SYTL3: variants seen among roughly 807,000 people sequenced by gnomAD.
SYTL3 encodes the protein synaptotagmin-like protein 3.
A neutral mutation model predicts 82.1 loss-of-function variants in SYTL3; 88 were observed. The ratio of observed to expected loss-of-function variants is 1.07; its 90% CI spans 0.90 to 1.28. The LOEUF (loss-of-function observed/expected upper bound fraction) is 1.28. Among genes scored for constraint, SYTL3 ranks in the 50% most tolerant of loss-of-function variants. The probability of loss-of-function intolerance (pLI) is 0.00; values close to 1 mark genes in which losing one functional copy is unlikely to be tolerated. For missense variants in SYTL3, 831 were observed against 757.6 expected (o/e 1.10, Z -1.14); for synonymous variants, 311 against 289.4 (o/e 1.07, Z -0.76).
In SYTL3 at chr6:158,757,192, C is replaced by T. The variant is rs1276539114; in HGVS notation, c.1138-19C>T. The T allele has an allele frequency of 6.2e-7, 1 of 1,602,602 alleles. No homozygotes were observed. Among genetic ancestry groups the T allele is most frequent in the South Asian group, 1.1e-5 (1 of 90,708 alleles). ...GGGCCCCGGGAGCCCAGCTGACCAT[C>T]TCTTCCTTGCCTCTGCAGTATCAGG... On this transcript the variant is annotated intron_variant, in intron 13 of 17. Transcript: ENST00000611299.
In SYTL3 at chr6:158,665,477, C is replaced by T. The variant is rs200817184; in HGVS notation, c.193C>T (p.Arg65Cys). The change falls in exon 5 of 18, where the codon CGC (arginine) becomes TGC (cysteine). Residue 65 changes from arginine to cysteine, a missense_variant. Transcript: ENST00000611299. Reference sequence around the variant, plus strand: ...GGAGCACAAAGAGAAGTGCTGTGCGCGCTGCCAGCAGGTGCTGGGGTTCCT... The same window carrying T: ...GGAGCACAAAGAGAAGTGCTGTGCGTGCTGCCAGCAGGTGCTGGGGTTCCT... ...DWEHKEKCCA[R>C]CQQVLGFLLH... The T allele has an allele frequency of 2.7e-5, 43 of 1,607,384 alleles. No homozygotes were observed. Among genetic ancestry groups the T allele is most frequent in the East Asian group, 4.5e-5 (2 of 44,632 alleles).
At chr6:158,725,777 C>A in intron 11 of SYTL3, 140 bp downstream of exon 11, 1 of 1,142,134 alleles carries the variant, frequency 8.8e-7, no homozygotes, top group Non-Finnish European at 1.3e-6. Context: ...TATTATCCAT[C>A]CTTCCATTCC....
Position 158,736,156 on chromosome 6 carries a change from C to G in SYTL3, c.856-9324C>G, listed in dbSNP as rs1284011839. On this transcript the variant is annotated intron_variant, in intron 11 of 17. Transcript: ENST00000611299. ...CACAAGGTCAGGAGTTTGAGACCAT[C>G]CTGGCCAACATAGTGAAACCACATC... Among the ~76,000 whole-genome samples, 5 of 152,248 alleles carry G rather than the reference C, an allele frequency of 3.3e-5. No homozygotes were observed. In the East Asian group the frequency reaches 9.7e-4, roughly 30 times the overall value.
rs2291388 is a variant in SYTL3, at chr6:158,763,404, G to A, written c.1618G>A (p.Val540Ile). The A allele has an allele frequency of 2.3e-4, 375 of 1,614,198 alleles. 2 individuals carry two copies. The East Asian group carries it at 7.3e-3, about 32-fold the overall frequency. ...GAAACACTCATTTGTCTTCAGTGGC[G>A]TAACCCCAGCTCAGCTGAGGCAGTC... is the stretch of plus-strand genomic sequence containing the variant. ...QWKHSFVFSG[V>I]TPAQLRQSSL... Residue 540 changes from valine (V) to isoleucine (I), a missense_variant, in exon 17 of 18, where the codon GTA becomes ATA. Coordinates refer to ENST00000611299, the MANE Select transcript of SYTL3 (RefSeq NM_001242394.2).
At chr6:158,654,692 G>A (rs946959846) in intron 2 of SYTL3, among the ~76,000 whole-genome samples, 2 of 152,172 alleles carry the variant, frequency 1.3e-5, no homozygotes, top group Non-Finnish European at 2.9e-5. Context: ...TCCATGTCAC[G>A]GAGGAGGAAG....
At chr6:158,719,265 T>G (rs985860453) in intron 10 of SYTL3, among the ~76,000 whole-genome samples, 2 of 152,310 alleles carry the variant, frequency 1.3e-5, no homozygotes. Context: ...AGGGTAGGTA[T>G]TGCATGCAGC....
chr6:158,742,409 A>G (rs1787046960), intron 11 of SYTL3, among the ~76,000 whole-genome samples: 1 of 152,170 alleles, frequency 6.6e-6, no homozygotes, highest in African/African-American at 2.4e-5. Flanking sequence ...CTGGGTTTCC[A>G]TTGATGAAGA....
intron 6 of SYTL3, among the ~76,000 whole-genome samples, chr6:158,703,876 A>G (rs1053336787): frequency 8.1e-5 from 12 of 148,784 alleles, no homozygotes; most frequent in South Asian, 2.1e-4. Flanking sequence ...GTCTCATTCT[A>G]TCTCCCAGGC....
intron 6 of SYTL3, among the ~76,000 whole-genome samples, chr6:158,692,959 GA>G (rs1225033655): frequency 6.3e-5 from 9 of 141,952 alleles, no homozygotes; most frequent in Admixed American, 1.4e-4. Context: ...TCAAAAAAAA[GA>G]AAAAAAAAAG....
intron 2 of SYTL3, among the ~76,000 whole-genome samples, chr6:158,658,342 T>C (rs1788946751): frequency 6.6e-6 from 1 of 152,236 alleles, no homozygotes; most frequent in Admixed American, 6.5e-5. Context: ...TATTTGTCGC[T>C]GTGACAATCA....
intron 12 of SYTL3, among the ~76,000 whole-genome samples, chr6:158,750,645 G>A (rs1788274743): frequency 6.6e-6 from 1 of 152,058 alleles, no homozygotes; most frequent in African/African-American, 2.4e-5. Context: ...CGGGCGTCGA[G>A]TAGCTGGGAC....
intron 9 of SYTL3, among the ~76,000 whole-genome samples, chr6:158,716,133 T>C (rs1298672623): frequency 1.3e-5 from 2 of 152,206 alleles, no homozygotes; most frequent in Non-Finnish European, 2.9e-5. Context: ...CTCTGTCTAT[T>C]ATCAGTACGT....
At chr6:158,746,801 AC>A (rs1386799470) in intron 12 of SYTL3, among the ~76,000 whole-genome samples, 3 of 143,100 alleles carry the variant, frequency 2.1e-5, no homozygotes, top group Admixed American at 1.4e-4. Flanking sequence ...CTTATTACTA[AC>A]AAAGATGAGC....
At chr6:158,693,850 C>CTTTTTTTTTTTTTTTTTTT (rs1357595960) in intron 6 of SYTL3, among the ~76,000 whole-genome samples, 2 of 58,438 alleles carry the variant, frequency 3.4e-5, no homozygotes, top group African/African-American at 1.3e-4. Flanking sequence ...CTTTCTTTTT[C>CTTTTTTTTTTTTTTTTTTT]TTTTCTTTTT....
At chr6:158,677,176 A>G (rs1424859244) in intron 5 of SYTL3, among the ~76,000 whole-genome samples, 3 of 152,214 alleles carry the variant, frequency 2.0e-5, no homozygotes, top group Non-Finnish European at 4.4e-5. Flanking sequence ...ACAATGATAG[A>G]CTGGATTAAG....
At chr6:158,756,860 C>T (rs139639861) in intron 13 of SYTL3, among the ~76,000 whole-genome samples, 94 of 147,024 alleles carry the variant, frequency 6.4e-4, no homozygotes, top group African/African-American at 2.2e-3. Flanking sequence ...TTCTAGTAGG[C>T]GTGAGCTGGA....
intron 13 of SYTL3, among the ~76,000 whole-genome samples, chr6:158,756,087 T>C (rs1789019382): frequency 6.6e-6 from 1 of 152,254 alleles, no homozygotes; most frequent in South Asian, 2.1e-4. Flanking sequence ...TGTTCATTAT[T>C]GAGAAAATCC....
chr6:158,667,807 G>T (rs1486858556), intron 5 of SYTL3, among the ~76,000 whole-genome samples: 2 of 152,168 alleles, frequency 1.3e-5, no homozygotes, highest in African/African-American at 4.8e-5. Context: ...CCTGTGGCAG[G>T]TGTTGGCCCT....
At chr6:158,663,434 C>A (rs1789607373) in intron 4 of SYTL3, 56 bp downstream of exon 4, 5 of 1,593,144 alleles carry the variant, frequency 3.1e-6, no homozygotes, top group African/African-American at 1.3e-5. Context: ...CTGCTTGGGG[C>A]CTGCCACTCC....
Sources: allele counts gnomAD v4.1 joint callset (sites outside exome capture counted in the v4.1 genomes callset), GRCh38; gene constraint gnomAD v4.1.1; transcripts MANE v1.5; gene names NCBI Gene and HGNC (gene_info 2026-07-23, HGNC 2026-07-21).